The following TNRC18 variants were observed in gnomAD, a reference collection of about 807,000 sequenced individuals.
The protein encoded by TNRC18 is trinucleotide repeat-containing gene 18 protein.
Under a neutral mutation model 226.7 loss-of-function variants are expected in TNRC18, and 69 were observed. That is an observed-to-expected ratio of 0.30 (90% CI 0.25 to 0.37). TNRC18 has a LOEUF of 0.37. Among genes scored for constraint, TNRC18 ranks in the 10% least tolerant of loss-of-function variants. The probability of loss-of-function intolerance (pLI) is 1.00; values close to 1 mark genes in which losing one functional copy is unlikely to be tolerated. For synonymous variants in TNRC18, 2,449 were observed against 1,927.6 expected (o/e 1.27, Z -7.09); for missense variants, 4,754 against 4,256.6 (o/e 1.12, Z -3.25).
intron 2 of TNRC18, among the ~76,000 whole-genome samples, chr7:5,416,255 G>A (rs1782181374): frequency 6.6e-6 from 1 of 151,328 alleles, no homozygotes; most frequent in Admixed American, 6.6e-5. Flanking sequence ...TGTACTAAAA[G>A]TACAAAAAAA....
intron 17 of TNRC18, among the ~76,000 whole-genome samples, chr7:5,347,380 TAG>T (rs1445133624): frequency 1.6e-4 from 24 of 148,904 alleles, no homozygotes; most frequent in African/African-American, 4.7e-4. Flanking sequence ...GTATTTTTAG[TAG>T]AGACGGGGTT....
At chr7:5,362,463 C>G (rs1023242757) in intron 12 of TNRC18, among the ~76,000 whole-genome samples, 187 bp downstream of exon 12, 6 of 152,162 alleles carry the variant, frequency 3.9e-5, no homozygotes, top group Non-Finnish European at 7.4e-5. Flanking sequence ...GACAGGTAAA[C>G]TGAGTCCCCG....
chr7:5,352,353 T>A (rs1423473419), intron 16 of TNRC18, among the ~76,000 whole-genome samples: 1 of 151,230 alleles, frequency 6.6e-6, no homozygotes, highest in Non-Finnish European at 1.5e-5. Flanking sequence ...CTAGACTGGA[T>A]GCTGCCAGCC....
At chr7:5,385,990 A>AC (rs1779754746) in intron 5 of TNRC18, among the ~76,000 whole-genome samples, 4 of 148,898 alleles carry the variant, frequency 2.7e-5, no homozygotes, top group African/African-American at 7.4e-5. Flanking sequence ...CTCAAAAAAA[A>AC]AAAAAAAAAA....
At position 5,307,608 on chromosome 7, in the gene TNRC18, A is replaced by G; in HGVS notation, c.*498T>C. The G allele has an allele frequency of 2.3e-6, 1 of 444,288 alleles. No homozygotes were observed. Among genetic ancestry groups the G allele is most frequent in the Non-Finnish European group, 4.5e-6 (1 of 220,976 alleles). 27.5% of individuals were successfully genotyped at this position (444,288 alleles called of 1,614,324 possible). On this transcript the variant is annotated 3_prime_UTR_variant, in exon 30 of 30. Coordinates refer to ENST00000430969, the MANE Select transcript of TNRC18 (RefSeq NM_001080495.3). Reference sequence around the variant, plus strand: ...GGCCCCTGGCACAGTCAGGTAGGCCAGCTGGCATCGGGCTGCCCTGTCCCA... The same window carrying G: ...GGCCCCTGGCACAGTCAGGTAGGCCGGCTGGCATCGGGCTGCCCTGTCCCA...
Position 5,356,850 on chromosome 7 carries a change from TGGAGAGAAGAGG to T in TNRC18, c.5194+54_5194+65del, listed in dbSNP as rs1792472475. On this transcript the variant is annotated intron_variant, in intron 16 of 29. Transcript: ENST00000430969. The stretch of plus-strand genomic sequence containing the variant: ...AGGGGCGGGGGGGGAAGGAGGACGG[TGGAGAGAAGAGG>T]GGAGAAAAGGAGAGAAGCAGCGGAC... The T allele has an allele frequency of 3.7e-6, 5 of 1,353,308 alleles. No homozygotes were observed. In the Admixed American group the frequency reaches 1.4e-4, roughly 38 times the overall value. The allele number at this position is 1,353,308 out of a possible 1,614,324, so 83.8% of individuals were successfully genotyped here. A position where few individuals can be genotyped will look rare whatever the true frequency, so the allele number is the denominator to read the frequency against.
intron 18 of TNRC18, among the ~76,000 whole-genome samples, chr7:5,343,604 T>C (rs1329929787): frequency 6.6e-6 from 1 of 152,134 alleles, no homozygotes; most frequent in African/African-American, 2.4e-5. Context: ...TCTGTTTATT[T>C]TTTGTAGAGA....
chr7:5,356,794 C>CAGAGAG (rs756427147), intron 16 of TNRC18, 122 bp downstream of exon 16: 10 of 1,366,534 alleles, frequency 7.3e-6, no homozygotes, highest in Admixed American at 2.9e-5. Flanking sequence ...TAGTGCGCCC[C>CAGAGAG]AGAGAGAGAG....
chr7:5,381,281 G>A (rs762821414), intron 5 of TNRC18, among the ~76,000 whole-genome samples: 4 of 152,068 alleles, frequency 2.6e-5, no homozygotes, highest in Admixed American at 6.6e-5. Flanking sequence ...CCCTCCATCC[G>A]CTCTAATCCT....
At position 5,376,830 on chromosome 7, in the gene TNRC18, A is replaced by G. The variant is rs373212718; in HGVS notation, c.2608+17T>C. 2.5e-6 allele frequency: 4 copies of G among 1,607,286 alleles called. No individual in the cohort carries two copies. Among genetic ancestry groups the G allele is most frequent in the Non-Finnish European group, 3.4e-6 (4 of 1,177,086 alleles). On this transcript the variant is annotated intron_variant, in intron 8 of 29. Coordinates refer to ENST00000430969, the MANE Select transcript of TNRC18 (RefSeq NM_001080495.3). ...GGCCAGTCTGGCCCATGGTGGCCAC[A>G]TAGAAGGTCCACTTACCAAAGTGAG...
chr7:5,408,163 G>C (rs1363372238), intron 2 of TNRC18, among the ~76,000 whole-genome samples: 1 of 152,072 alleles, frequency 6.6e-6, no homozygotes, highest in African/African-American at 2.4e-5. Flanking sequence ...GCTGGGCGTG[G>C]TGGCGCGCGC....
intron 2 of TNRC18, among the ~76,000 whole-genome samples, chr7:5,415,552 T>A (rs570172867): frequency 1.9e-4 from 29 of 151,496 alleles, no homozygotes; most frequent in Non-Finnish European, 3.2e-4. Flanking sequence ...CAATTTTTTT[T>A]ATATTTTCAG....
At chr7:5,395,643 A>G (rs1405364561) in intron 2 of TNRC18, among the ~76,000 whole-genome samples, 5 of 152,234 alleles carry the variant, frequency 3.3e-5, no homozygotes. Flanking sequence ...AAATGGAGAT[A>G]AACATGCCTC....
At position 5,324,248 on chromosome 7, in the gene TNRC18, C is replaced by T. The variant is rs548474701; in HGVS notation, c.6408G>A (p.Pro2136=). ...GCGGCCGCTCCACAGCCCCGCCACG[C>T]GGCAGGTGCTCGTCCTCAGAGAAGC... ...DSSFSEDEHL[P]RGGAVERPLT... Residue 2136 remains proline (P), a synonymous_variant, in exon 21 of 30, where the codon CCG becomes CCA. Transcript: ENST00000430969. The surrounding 1 kb of genome is among the most constrained non-coding windows in gnomAD (Gnocchi z 4.8). 79 of 1,611,514 alleles carry T rather than the reference C, an allele frequency of 4.9e-5. No individual in the cohort carries two copies. The East Asian group carries it at 7.4e-4, about 15-fold the overall frequency.
Position 5,324,201 on chromosome 7 carries a change from C to T in TNRC18, c.6442+13G>A. ...CAGCCCCGCCCGGCACATGTGGCATCACGGCCACTCACCCGGGGTCAGCGG... is the reference window on the plus strand; with the variant it reads ...CAGCCCCGCCCGGCACATGTGGCATTACGGCCACTCACCCGGGGTCAGCGG... On this transcript the variant is annotated intron_variant, in intron 21 of 29. Transcript: ENST00000430969. This position sits in a 1 kb window ranked among gnomAD's most constrained non-coding sequence, Gnocchi z 4.8. 2 of 1,589,476 alleles carry T rather than the reference C, an allele frequency of 1.3e-6. No individual in the cohort carries two copies. Among genetic ancestry groups the T allele is most frequent in the Non-Finnish European group, 1.7e-6 (2 of 1,170,924 alleles).
intron 10 of TNRC18, among the ~76,000 whole-genome samples, chr7:5,372,751 G>A (rs913212400): frequency 9.9e-5 from 15 of 152,134 alleles, no homozygotes; most frequent in African/African-American, 3.4e-4. Flanking sequence ...GCTAGCTGCA[G>A]TGGTCTCAAG....
rs1480376728 is a variant in TNRC18 at position 5,376,855 on chromosome 7, G to A, written c.2600C>T (p.Pro867Leu). The A allele has an allele frequency of 6.2e-7, 1 of 1,611,494 alleles. No individual in the cohort carries two copies. The change falls in exon 8 of 30, where the codon CCT becomes CTT. Residue 867 changes from proline (P) to leucine (L), a missense_variant. Physicochemically the swap from Pro to Leu is moderately conservative, Grantham distance 98. Coordinates refer to ENST00000430969, the MANE Select transcript of TNRC18 (RefSeq NM_001080495.3). ...QLVVIPSDHL[P>L]HFAELMERAT... ...ATAGAAGGTCCACTTACCAAAGTGA[G>A]GAAGGTGATCACTGGGAATGACCAC...
chr7:5,333,109 C>A (rs1314031068), intron 18 of TNRC18, 60 bp from the exon 19 acceptor site: 1 of 1,517,464 alleles, frequency 6.6e-7, no homozygotes, highest in Non-Finnish European at 8.8e-7. Flanking sequence ...CCCTCCCACC[C>A]AGCCACATGG....
At chr7:5,404,763 A>AGTGT (rs57464872) in intron 2 of TNRC18, among the ~76,000 whole-genome samples, 8,453 of 147,028 alleles carry the variant, frequency 0.057, 320 homozygotes, top group African/African-American at 0.11. Flanking sequence ...GCACACTTTC[A>AGTGT]GTGTGTGTGT....
Sources: gnomAD v4.1 joint callset for allele counts (sites outside exome capture counted in the v4.1 genomes callset) on GRCh38, gnomAD v4.1.1 for gene constraint, Gnocchi (gnomAD v3.1) non-coding constraint, MANE v1.5 for transcripts, NCBI Gene and HGNC (gene_info 2026-07-23, HGNC 2026-07-21) for gene names.